The following HS3ST5 variants were observed in gnomAD, a reference collection of about 807,000 sequenced individuals.
The protein encoded by HS3ST5 is heparan sulfate glucosamine 3-O-sulfotransferase 5.
Under a neutral mutation model 25.4 loss-of-function variants are expected in HS3ST5, and 10 were observed. The ratio of observed to expected loss-of-function variants is 0.39; its 90% CI spans 0.24 to 0.67. The LOEUF (loss-of-function observed/expected upper bound fraction) is 0.67. HS3ST5 is among the 30% of genes least tolerant of loss of function. The probability of loss-of-function intolerance (pLI) is 0.44; values close to 1 mark genes in which losing one functional copy is unlikely to be tolerated. For synonymous variants in HS3ST5, 170 were observed against 162.4 expected (o/e 1.05, Z -0.36); for missense variants, 324 against 420.7 (o/e 0.77, Z 2.01).
intron 3 of HS3ST5, among the ~76,000 whole-genome samples, chr6:114,123,485 A>G (rs1776890751): frequency 6.6e-6 from 1 of 152,236 alleles, no homozygotes; most frequent in South Asian, 2.1e-4. Flanking sequence ...TATCAAGAAA[A>G]TGAAAATAAA....
intron 3 of HS3ST5, among the ~76,000 whole-genome samples, chr6:114,121,921 C>A (rs1396182874): frequency 6.6e-6 from 1 of 152,180 alleles, no homozygotes; most frequent in Non-Finnish European, 1.5e-5. Context: ...GATCTTAGTT[C>A]TGACAGCGTG....
chr6:114,133,948 A>G (rs574757288), intron 3 of HS3ST5, among the ~76,000 whole-genome samples: 1 of 152,222 alleles, frequency 6.6e-6, no homozygotes, highest in East Asian at 1.9e-4. Flanking sequence ...TGTGATAGAC[A>G]CCACAGAGTG....
chr6:114,180,482 T>C (rs1207183016), intron 2 of HS3ST5, among the ~76,000 whole-genome samples: 1 of 152,162 alleles, frequency 6.6e-6, no homozygotes, highest in Non-Finnish European at 1.5e-5. Context: ...CCACAAGTTC[T>C]TGGGCTTACA....
At chr6:114,264,862 A>C (rs1276141660) in intron 1 of HS3ST5, among the ~76,000 whole-genome samples, 1 of 152,122 alleles carries the variant, frequency 6.6e-6, no homozygotes, top group African/African-American at 2.4e-5. Flanking sequence ...GTCAGCAAAG[A>C]ATACAGAGCA....
intron 1 of HS3ST5, among the ~76,000 whole-genome samples, chr6:114,254,117 T>C (rs1281298794): frequency 6.6e-6 from 1 of 152,118 alleles, no homozygotes; most frequent in African/African-American, 2.4e-5. Flanking sequence ...GTGCAGAGGC[T>C]CTCTGAGCTC....
chr6:114,195,344 G>A (rs976341836), intron 2 of HS3ST5, among the ~76,000 whole-genome samples: 1 of 152,126 alleles, frequency 6.6e-6, no homozygotes, highest in Admixed American at 6.6e-5. Flanking sequence ...ATATGAATAT[G>A]AGTCAAACTG....
At chr6:114,220,683 T>A (rs1041075676) in intron 2 of HS3ST5, 2 of 151,840 alleles carry the variant, frequency 1.3e-5, no homozygotes, top group African/African-American at 4.8e-5. Context: ...GAAAAAAAAA[T>A]CTCCAGAGAT....
chr6:114,273,989 G>C (rs892578219), intron 1 of HS3ST5, among the ~76,000 whole-genome samples: 5 of 152,054 alleles, frequency 3.3e-5, no homozygotes, highest in African/African-American at 1.2e-4. Context: ...ACATATGTGG[G>C]AAAGATCTAG....
intron 3 of HS3ST5, among the ~76,000 whole-genome samples, chr6:114,118,786 C>T (rs1054166886): frequency 3.3e-5 from 5 of 152,202 alleles, no homozygotes; most frequent in African/African-American, 9.6e-5. Context: ...ACTATTCTGA[C>T]CAATAAAACA....
intron 1 of HS3ST5, among the ~76,000 whole-genome samples, chr6:114,311,053 A>G (rs1234219650): frequency 6.6e-6 from 1 of 152,218 alleles, no homozygotes; most frequent in Non-Finnish European, 1.5e-5. Flanking sequence ...TCATTGAAAC[A>G]AACAGTCTAA....
At chr6:114,253,066 G>A (rs1216654851) in intron 1 of HS3ST5, among the ~76,000 whole-genome samples, 2 of 152,074 alleles carry the variant, frequency 1.3e-5, no homozygotes, top group Non-Finnish European at 2.9e-5. Context: ...GTGTATGTCT[G>A]TAGTCCCAGC....
intron 3 of HS3ST5, among the ~76,000 whole-genome samples, chr6:114,164,237 CTTTACAAAATACCTTACAG>C (rs970845115): frequency 1.1e-4 from 17 of 151,866 alleles, no homozygotes; most frequent in Non-Finnish European, 1.3e-4. Flanking sequence ...TAGAAAATAC[CTTTACAAAATACCTTACAG>C]TTTACAAAAT....
At chr6:114,061,054 T>G (rs1313505795) in intron 4 of HS3ST5, among the ~76,000 whole-genome samples, 1 of 152,088 alleles carries the variant, frequency 6.6e-6, no homozygotes, top group East Asian at 1.9e-4. Context: ...AAGTCTGAAG[T>G]GAGAGGCTTT....
intron 3 of HS3ST5, among the ~76,000 whole-genome samples, chr6:114,063,510 C>T (rs1348465070): frequency 1.5e-5 from 2 of 131,440 alleles, no homozygotes; most frequent in Admixed American, 7.8e-5. Context: ...GAAGACCTGT[C>T]TCAGAAAAAA....
intron 1 of HS3ST5, among the ~76,000 whole-genome samples, chr6:114,293,036 A>G (rs1392871420): frequency 6.6e-6 from 1 of 152,082 alleles, no homozygotes; most frequent in Non-Finnish European, 1.5e-5. Flanking sequence ...TGATCATAAT[A>G]CAGTGTAAGA....
chr6:114,215,005 T>C (rs2114455635), intron 2 of HS3ST5, among the ~76,000 whole-genome samples: 1 of 152,220 alleles, frequency 6.6e-6, no homozygotes, highest in South Asian at 2.1e-4. Flanking sequence ...TGTCCTGTAG[T>C]TTCCTGATAA....
In HS3ST5 at chr6:114,314,043, A is replaced by AG. The variant is rs201302402; in HGVS notation, c.-339+28151dup. 3.7e-4 allele frequency among the ~76,000 whole-genome samples: 56 copies of AG among 152,300 alleles called. No homozygotes were observed. The East Asian group carries it at 9.5e-3, about 26-fold the overall frequency. ...CAGGCTCGCGTGATTCTCATGCCTC[A>AG]GTCTCCAGAGTAGCTGGGATTACAG... On this transcript the variant is annotated intron_variant, in intron 1 of 4. Transcript: ENST00000312719.
chr6:114,151,864 G>T (rs1778465521), intron 3 of HS3ST5, among the ~76,000 whole-genome samples: 1 of 152,152 alleles, frequency 6.6e-6, no homozygotes, highest in South Asian at 2.1e-4. Context: ...ATTCAGCTAT[G>T]CTCTTATTGC....
chr6:114,169,713 CAG>C (rs1582676152), intron 2 of HS3ST5, among the ~76,000 whole-genome samples: 1 of 152,120 alleles, frequency 6.6e-6, no homozygotes, highest in South Asian at 2.1e-4. Flanking sequence ...CTCAAATAAA[CAG>C]AAATCATTAT....
Sources: gnomAD v4.1 joint callset for allele counts (sites outside exome capture counted in the v4.1 genomes callset) on GRCh38, gnomAD v4.1.1 for gene constraint, MANE v1.5 for transcripts, NCBI Gene and HGNC (gene_info 2026-07-23, HGNC 2026-07-21) for gene names.